NHLRC4: variants seen among roughly 807,000 people sequenced by gnomAD.
The protein encoded by NHLRC4 is NHL repeat containing 4.
For missense variants in NHLRC4, 158 were observed against 155.4 expected (o/e 1.02, Z -0.09); for synonymous variants, 73 against 69.0 (o/e 1.06, Z -0.29).
chr16:567,694 C>A lies in NHLRC4; in HGVS notation c.-354C>A. On this transcript the variant is annotated 5_prime_UTR_variant, in exon 2 of 2. It adds an upstream start codon to the 5' untranslated region. Coordinates refer to ENST00000424439, the MANE Select transcript of NHLRC4 (RefSeq NM_001301159.2). The stretch of plus-strand genomic sequence containing the variant: ...GGGCCTGCACTGCTCCCCCGATGGC[C>A]TGCTCTTCCTCACGGCCGGGGCTGC... 1 of 227,786 alleles carries A rather than the reference C, an allele frequency of 4.4e-6. No homozygotes were observed. Among genetic ancestry groups the A allele is most frequent in the Non-Finnish European group, 8.8e-6 (1 of 114,008 alleles). 14.1% of individuals were successfully genotyped at this position (227,786 alleles called of 1,614,324 possible).
At position 568,785 on chromosome 16, in the gene NHLRC4, G is replaced by C; in HGVS notation, c.*366G>C. On this transcript the variant is annotated 3_prime_UTR_variant, in exon 2 of 2. Coordinates refer to ENST00000424439, the MANE Select transcript of NHLRC4 (RefSeq NM_001301159.2). ...GGCAGCTGAAGCCTTGAGATCCTGGGCCAGCTGCCGGCACACAGCTAGGCA... is the reference window on the plus strand; with the variant it reads ...GGCAGCTGAAGCCTTGAGATCCTGGCCCAGCTGCCGGCACACAGCTAGGCA... 4.6e-6 allele frequency: 1 copy of C among 216,128 alleles called. No individual in the cohort carries two copies. The highest frequency in any genetic ancestry group is 9.3e-6 in the Non-Finnish European group (1 of 107,174). The allele number at this position is 216,128 out of a possible 1,614,324, so 13.4% of individuals were successfully genotyped here. A position where few individuals can be genotyped will look rare whatever the true frequency, so the allele number is the denominator to read the frequency against.
rs561606934 is a variant in NHLRC4 at position 568,607 on chromosome 16, C to A, written c.*188C>A. 3.0e-6 allele frequency: 2 copies of A among 671,148 alleles called. No individual in the cohort carries two copies. Among genetic ancestry groups the A allele is most frequent in the African/African-American group, 1.8e-5 (1 of 54,642 alleles). The allele number at this position is 671,148 out of a possible 1,614,324, so 41.6% of individuals were successfully genotyped here. On this transcript the variant is annotated 3_prime_UTR_variant, in exon 2 of 2. Transcript: ENST00000424439. ...CTCCTGCTGGTGAGGCTCCGGATCT[C>A]AGGAGCAGCCCTGAGTCTGCTTCCC...
chr16:568,195 T>C lies in NHLRC4; in HGVS notation c.148T>C (p.Cys50Arg), dbSNP rs766564608. Residue 50 changes from cysteine to arginine, a missense_variant, in exon 2 of 2, where the codon TGC becomes CGC. Transcript: ENST00000424439. ...GGGCTGGACGGGGCACACTTTCGGC[T>C]GCCCAGCGGGCATCTGCTCCAACTC... is the stretch of plus-strand genomic sequence containing the variant. ...LGGWTGHTFGCPAGICSNSEG... is the reference protein window; with the variant it reads ...LGGWTGHTFGRPAGICSNSEG... 1 of 1,611,722 alleles carries C rather than the reference T, an allele frequency of 6.2e-7. No individual in the cohort carries two copies. The highest frequency in any genetic ancestry group is 8.5e-7 in the Non-Finnish European group (1 of 1,179,450).
In NHLRC4 at chr16:568,169, G is replaced by A; in HGVS notation, c.122G>A (p.Gly41Glu). 6.2e-7 allele frequency: 1 copy of A among 1,611,142 alleles called. No homozygotes were observed. The highest frequency in any genetic ancestry group is 8.5e-7 in the Non-Finnish European group (1 of 1,179,218). Residue 41 changes from glycine (G) to glutamate (E), a missense_variant, in exon 2 of 2, where the codon GGG (glycine) becomes GAG (glutamate). By Grantham distance (98) the Gly-to-Glu change is moderately conservative (BLOSUM62 -2). Transcript: ENST00000424439. ...GCCCGCCAACCCCTGGGCTCCCTGG[G>A]GGGCTGGACGGGGCACACTTTCGGC... ...GSARQPLGSLGGWTGHTFGCP... is the reference protein window; with the variant it reads ...GSARQPLGSLEGWTGHTFGCP...
chr16:568,326 G>A lies in NHLRC4; in HGVS notation c.279G>A (p.Leu93=). The change falls in exon 2 of 2, where the codon TTG becomes TTA. Residue 93 remains leucine (L), a synonymous_variant. Coordinates refer to ENST00000424439, the MANE Select transcript of NHLRC4 (RefSeq NM_001301159.2). ...TGTCAGAGGGGCTTGGGCAGCCCTT[G>A]GGAGTGGCCTGTGCACCCCAGGGCC... ...CLVSEGLGQP[L]GVACAPQGQL... 1 of 1,611,444 alleles carries A rather than the reference G, an allele frequency of 6.2e-7. No individual in the cohort carries two copies.
At chr16:567,358 CCTAGACA>C (rs1295198420) in intron 1 of NHLRC4, 106 bp from the exon 2 acceptor site, 1 of 152,366 alleles carries the variant, frequency 6.6e-6, no homozygotes, top group East Asian at 1.9e-4. Context: ...GTCCCAGGCA[CCTAGACA>C]CTAGGGTGGC....
Position 568,572 on chromosome 16 carries a change from G to C in NHLRC4, c.*153G>C, listed in dbSNP as rs2035569773. 1.6e-5 allele frequency: 14 copies of C among 861,122 alleles called. No homozygotes were observed. The highest frequency in any genetic ancestry group is 2.3e-5 in the Non-Finnish European group (13 of 567,096). 53.3% of individuals were successfully genotyped at this position (861,122 alleles called of 1,614,324 possible). ...ACCACCTGGGCTGGGCCCTGGGCTT[G>C]GCTCGAGTTCTCCTGCTGGTGAGGC... is the stretch of plus-strand genomic sequence containing the variant. On this transcript the variant is annotated 3_prime_UTR_variant, in exon 2 of 2. Coordinates refer to ENST00000424439, the MANE Select transcript of NHLRC4 (RefSeq NM_001301159.2).
At chr16:567,438 C>T (rs1383813854) in intron 1 of NHLRC4, 33 bp from the exon 2 acceptor site, 1 of 154,330 alleles carries the variant, frequency 6.5e-6, no homozygotes, top group African/African-American at 2.4e-5. Flanking sequence ...TAGGAAGAAA[C>T]TGGAGGAGTG....
Position 567,930 on chromosome 16 carries a change from G to C in NHLRC4, c.-118G>C, listed in dbSNP as rs1373966411. The C allele has an allele frequency of 8.7e-7, 1 of 1,148,330 alleles. No individual in the cohort carries two copies. 71.1% of individuals were successfully genotyped at this position (1,148,330 alleles called of 1,614,324 possible). ...ACTGGGTGACAGTGGGCACCTTCCT[G>C]TCTCCCCGAGGGCTGGCTGTGGATG... On this transcript the variant is annotated 5_prime_UTR_variant, in exon 2 of 2. Transcript: ENST00000424439.
At position 568,179 on chromosome 16, in the gene NHLRC4, G is replaced by A. The variant is rs138167017; in HGVS notation, c.132G>A (p.Thr44=). The A allele has an allele frequency of 4.9e-4, 783 of 1,611,456 alleles. 6 individuals are homozygous for A. The African/African-American group carries it at 6.1e-3, about 12-fold the overall frequency. The part of the protein sequence containing the change: ...RQPLGSLGGW[T]GHTFGCPAGI... ...CCCTGGGCTCCCTGGGGGGCTGGAC[G>A]GGGCACACTTTCGGCTGCCCAGCGG... Residue 44 remains threonine, a synonymous_variant, in exon 2 of 2, where the codon ACG becomes ACA. Coordinates refer to ENST00000424439, the MANE Select transcript of NHLRC4 (RefSeq NM_001301159.2).
Position 568,127 on chromosome 16 carries a change from T to G in NHLRC4, c.80T>G (p.Val27Gly), listed in dbSNP as rs1011168319. ...GCTGTGAGTGAGGAGTTTGGGGATG[T>G]GAGGCTGTTTGGCAGTGCCCGCCAA... is the stretch of plus-strand genomic sequence containing the variant. ...GLAVSEEFGDVRLFGSARQPL... is the reference protein window; with the variant it reads ...GLAVSEEFGDGRLFGSARQPL... The change falls in exon 2 of 2, where the codon GTG becomes GGG. Residue 27 changes from valine to glycine, a missense_variant. Physicochemically the swap from Val to Gly is moderately radical, Grantham distance 109. Transcript: ENST00000424439. 1 of 1,600,892 alleles carries G rather than the reference T, an allele frequency of 6.2e-7. No homozygotes were observed. The highest frequency in any genetic ancestry group is 1.3e-5 in the African/African-American group (1 of 74,794).
rs1032041822 is a variant in NHLRC4, at chr16:567,811, G to C, written c.-237G>C. ...GAGCGGGGCCTTCGTTCCAGAGGAC[G>C]TGGCTGTGACAGCGTCAGGGCTTGT... is the stretch of plus-strand genomic sequence containing the variant. On this transcript the variant is annotated 5_prime_UTR_variant, in exon 2 of 2. Coordinates refer to ENST00000424439, the MANE Select transcript of NHLRC4 (RefSeq NM_001301159.2). The C allele has an allele frequency of 2.0e-6, 1 of 510,880 alleles. No individual in the cohort carries two copies. The allele number at this position is 510,880 out of a possible 1,614,324, so 31.6% of individuals were successfully genotyped here.
chr16:568,011 G>A lies in NHLRC4; in HGVS notation c.-37G>A, dbSNP rs540746388. On this transcript the variant is annotated 5_prime_UTR_variant, in exon 2 of 2. Transcript: ENST00000424439. ...TGCCTGGGGCTGTGCACAGCTTCTC[G>A]TTGGGTCCTGCTTGGGAGCCCCTGG... is the stretch of plus-strand genomic sequence containing the variant. 1.8e-5 allele frequency: 27 copies of A among 1,499,056 alleles called. No individual in the cohort carries two copies. The African/African-American group carries it at 2.0e-4, about 11-fold the overall frequency. 92.9% of individuals were successfully genotyped at this position (1,499,056 alleles called of 1,614,324 possible). A position where few individuals can be genotyped will look rare whatever the true frequency, so the allele number is the denominator to read the frequency against.
Position 568,217 on chromosome 16 carries a change from A to T in NHLRC4, c.170A>T (p.Asn57Ile), listed in dbSNP as rs1172005959. 7 of 1,612,122 alleles carry T rather than the reference A, an allele frequency of 4.3e-6. No homozygotes were observed. Among genetic ancestry groups the T allele is most frequent in the Non-Finnish European group, 5.9e-6 (7 of 1,179,626 alleles). The change falls in exon 2 of 2, where the codon AAC (asparagine) becomes ATC (isoleucine). Residue 57 changes from asparagine (N) to isoleucine (I), a missense_variant. Asn to Ile is a moderately radical substitution (Grantham distance 149). Transcript: ENST00000424439. ...TFGCPAGICS[N>I]SEGNVIVADE... ...GGCTGCCCAGCGGGCATCTGCTCCA[A>T]CTCAGAGGGCAATGTTATTGTGGCA...
In NHLRC4 at chr16:568,057, C is replaced by A. The variant is rs780439188; in HGVS notation, c.10C>A (p.Leu4Met). Residue 4 changes from leucine to methionine, a missense_variant, in exon 2 of 2, where the codon CTG becomes ATG. Coordinates refer to ENST00000424439, the MANE Select transcript of NHLRC4 (RefSeq NM_001301159.2). Reference protein sequence around the residue: MLGLEGPCWVGPGP... With the variant: MLGMEGPCWVGPGP... ...CCTGGCCCCAGCCTCCATGCTGGGTCTGGAGGGCCCCTGCTGGGTGGGCCC... is the reference window on the plus strand; with the variant it reads ...CCTGGCCCCAGCCTCCATGCTGGGTATGGAGGGCCCCTGCTGGGTGGGCCC... 1.4e-5 allele frequency: 22 copies of A among 1,528,756 alleles called. No homozygotes were observed. The highest frequency in any genetic ancestry group is 2.1e-5 in the Admixed American group (1 of 47,940). 94.7% of individuals were successfully genotyped at this position (1,528,756 alleles called of 1,614,324 possible).
chr16:568,004 G>A lies in NHLRC4; in HGVS notation c.-44G>A. The A allele has an allele frequency of 5.4e-6, 8 of 1,495,278 alleles. No individual in the cohort carries two copies. Among genetic ancestry groups the A allele is most frequent in the Non-Finnish European group, 7.1e-6 (8 of 1,129,978 alleles). The allele number at this position is 1,495,278 out of a possible 1,614,324, so 92.6% of individuals were successfully genotyped here. On this transcript the variant is annotated 5_prime_UTR_variant, in exon 2 of 2. Coordinates refer to ENST00000424439, the MANE Select transcript of NHLRC4 (RefSeq NM_001301159.2). The stretch of plus-strand genomic sequence containing the variant: ...GACTACTTGCCTGGGGCTGTGCACA[G>A]CTTCTCGTTGGGTCCTGCTTGGGAG...
rs1451580097 is a variant in NHLRC4 at position 568,239 on chromosome 16, G to A, written c.192G>A (p.Val64=). ...ICSNSEGNVI[V]ADEQRRQVTL... is the part of the protein sequence containing the mutation. ...CCAACTCAGAGGGCAATGTTATTGT[G>A]GCAGACGAGCAGAGGCGCCAGGTGA... The change falls in exon 2 of 2, where the codon GTG becomes GTA. Residue 64 remains valine (V), a synonymous_variant. Coordinates refer to ENST00000424439, the MANE Select transcript of NHLRC4 (RefSeq NM_001301159.2). 1.2e-6 allele frequency: 2 copies of A among 1,612,388 alleles called. No individual in the cohort carries two copies. The highest frequency in any genetic ancestry group is 1.7e-6 in the Non-Finnish European group (2 of 1,179,706).
In NHLRC4 at chr16:567,877, C is replaced by CA; in HGVS notation, c.-170dup. 2 of 673,272 alleles carry CA rather than the reference C, an allele frequency of 3.0e-6. No individual in the cohort carries two copies. The highest frequency in any genetic ancestry group is 3.1e-5 in the Admixed American group (1 of 31,780). 41.7% of individuals were successfully genotyped at this position (673,272 alleles called of 1,614,324 possible). A position where few individuals can be genotyped will look rare whatever the true frequency, so the allele number is the denominator to read the frequency against. On this transcript the variant is annotated 5_prime_UTR_variant, in exon 2 of 2. The change abolishes the stop of an existing upstream ORF in the 5' untranslated region. Coordinates refer to ENST00000424439, the MANE Select transcript of NHLRC4 (RefSeq NM_001301159.2). Reference sequence around the variant, plus strand: ...CATCCATGGGGCTGTCCATGCACTCCAGCACACAGCCCGGGACCCCGGGGG... The same window carrying CA: ...CATCCATGGGGCTGTCCATGCACTCCAAGCACACAGCCCGGGACCCCGGGGG...
At position 568,262 on chromosome 16, in the gene NHLRC4, T is replaced by A. The variant is rs753990211; in HGVS notation, c.215T>A (p.Val72Glu). 1.2e-6 allele frequency: 2 copies of A among 1,612,188 alleles called. No individual in the cohort carries two copies. The highest frequency in any genetic ancestry group is 2.7e-5 in the African/African-American group (2 of 74,920). Residue 72 changes from valine to glutamate, a missense_variant, in exon 2 of 2, where the codon GTG (valine) becomes GAG (glutamate). Transcript: ENST00000424439. ...VIVADEQRRQ[V>E]TLFPRAGPPI... ...GTGGCAGACGAGCAGAGGCGCCAGG[T>A]GACCCTGTTTCCCCGGGCTGGGCCA... is the stretch of plus-strand genomic sequence containing the variant.
Sources: allele counts gnomAD v4.1 joint callset, GRCh38; gene constraint gnomAD v4.1.1; transcripts MANE v1.5; gene names NCBI Gene and HGNC (gene_info 2026-07-23, HGNC 2026-07-21).